Variants in ADGRA1 observed in about 807,000 individuals in gnomAD.
The protein encoded by ADGRA1 is G-protein coupled receptor 123.
ADGRA1 carries 12 observed loss-of-function variants against 21.3 expected under a neutral mutation model. The observed-to-expected ratio is 0.56, with a 90% CI of 0.36 to 0.91. The LOEUF (loss-of-function observed/expected upper bound fraction) is 0.91. Among genes scored for constraint, ADGRA1 ranks in the 40% least tolerant of loss-of-function variants. The pLI, the probability that ADGRA1 is intolerant of heterozygous loss-of-function variation, is 0.01. For missense variants in ADGRA1, 790 were observed against 805.6 expected (o/e 0.98, Z 0.23); for synonymous variants, 385 against 368.8 (o/e 1.04, Z -0.50).
intron 5 of ADGRA1, among the ~76,000 whole-genome samples, chr10:133,105,830 G>C (rs1476821265): frequency 6.6e-6 from 1 of 152,228 alleles, no homozygotes; most frequent in Non-Finnish European, 1.5e-5. Context: ...CGAGAAGCCA[G>C]CAGCCTCTGC....
chr10:133,111,047 A>G, intron 5 of ADGRA1, among the ~76,000 whole-genome samples: 1 of 151,570 alleles, frequency 6.6e-6, no homozygotes, highest in East Asian at 1.9e-4. Flanking sequence ...CCTGCCCACC[A>G]GGGACACCTG....
chr10:133,101,431 A>C (rs920591015), intron 4 of ADGRA1, among the ~76,000 whole-genome samples: 5 of 152,184 alleles, frequency 3.3e-5, no homozygotes, highest in African/African-American at 1.2e-4. Context: ...GCCGTGCAGC[A>C]CCGTGGGACG....
At chr10:133,093,942 T>C (rs182380307) in intron 2 of ADGRA1, among the ~76,000 whole-genome samples, 183 of 152,392 alleles carry the variant, frequency 1.2e-3, no homozygotes, top group African/African-American at 4.0e-3. Flanking sequence ...ACAGGCACTG[T>C]TGATAACTGT....
intron 4 of ADGRA1, among the ~76,000 whole-genome samples, chr10:133,100,969 G>C (rs950477136): frequency 2.0e-5 from 3 of 152,230 alleles, no homozygotes; most frequent in African/African-American, 4.8e-5. Flanking sequence ...CCCACAAGGC[G>C]ACGTTCTCCG....
intron 5 of ADGRA1, among the ~76,000 whole-genome samples, chr10:133,126,303 C>G (rs542864799): frequency 6.6e-6 from 1 of 152,352 alleles, no homozygotes; most frequent in Admixed American, 6.5e-5. Flanking sequence ...TGAAGGATAT[C>G]TTCTTGGGAT....
At chr10:133,098,873 G>T (rs1368381109) in intron 4 of ADGRA1, 110 bp downstream of exon 4, 1 of 1,413,150 alleles carries the variant, frequency 7.1e-7, no homozygotes, top group Non-Finnish European at 9.6e-7. Context: ...CCGGGAAGAG[G>T]GTCGGACCCT....
intron 4 of ADGRA1, among the ~76,000 whole-genome samples, chr10:133,100,232 G>T (rs1025909637): frequency 6.6e-6 from 1 of 152,226 alleles, no homozygotes; most frequent in Admixed American, 6.5e-5. Context: ...CGCACCTGAA[G>T]GTGGCTAAGG....
At chr10:133,116,332 C>T (rs1052588077) in intron 5 of ADGRA1, among the ~76,000 whole-genome samples, 28 of 152,256 alleles carry the variant, frequency 1.8e-4, no homozygotes, top group Non-Finnish European at 3.4e-4. Flanking sequence ...CCGCCCTCCC[C>T]GCAGGGCCTG....
At chr10:133,127,723 T>C (rs751081274) in intron 6 of ADGRA1, among the ~76,000 whole-genome samples, 4 of 151,844 alleles carry the variant, frequency 2.6e-5, no homozygotes, top group Non-Finnish European at 5.9e-5. Flanking sequence ...CAGTTCCTTC[T>C]GCGGCCCCAG....
intron 6 of ADGRA1, 30 bp from the exon 7 acceptor site, chr10:133,128,299 C>T (rs1852421302): frequency 1.3e-6 from 2 of 1,488,076 alleles, no homozygotes; most frequent in Non-Finnish European, 1.8e-6. Flanking sequence ...CGTGCTGGCC[C>T]CGCTGACACT....
chr10:133,122,105 C>T (rs542884492), intron 5 of ADGRA1, among the ~76,000 whole-genome samples: 28 of 152,286 alleles, frequency 1.8e-4, no homozygotes, highest in African/African-American at 6.0e-4. Flanking sequence ...TGTGAGCATG[C>T]GCGTGGTGTA....
rs555466505 is a variant in ADGRA1 at position 133,125,528 on chromosome 10, A to G, written c.402-1705A>G. On this transcript the variant is annotated intron_variant, in intron 5 of 6. Transcript: ENST00000392607. ...AAACCCCGCCTCCTGGGTTCACGCC[A>G]TTCTCCTGTCTCAGCCTCCCGAGTA... 2.4e-3 allele frequency among the ~76,000 whole-genome samples: 360 copies of G among 152,052 alleles called. 1 individual carries two copies. Among genetic ancestry groups the G allele is most frequent in the African/African-American group, 8.3e-3 (345 of 41,448 alleles).
chr10:133,126,157 C>T (rs937762958), intron 5 of ADGRA1, among the ~76,000 whole-genome samples: 2 of 152,244 alleles, frequency 1.3e-5, no homozygotes, highest in African/African-American at 2.4e-5. Flanking sequence ...TCCACAGGTG[C>T]GGTGCCTGCA....
chr10:133,123,104 G>A (rs936292744), intron 5 of ADGRA1, among the ~76,000 whole-genome samples: 1 of 152,202 alleles, frequency 6.6e-6, no homozygotes, highest in Admixed American at 6.5e-5. Context: ...GGCTCAGGTG[G>A]TCTGCAGGCT....
Position 133,128,147 on chromosome 10 carries a change from G to A in ADGRA1, c.501-182G>A, listed in dbSNP as rs546565365. ...CTACCCCACCTCCCAAGCTGGTAGG[G>A]CCAATAGGGCCCGGTTCCCATCCAC... On this transcript the variant is annotated intron_variant, in intron 6 of 6. Coordinates refer to ENST00000392607, the MANE Select transcript of ADGRA1 (RefSeq NM_001083909.3). Among the ~76,000 whole-genome samples, 564 of 150,172 alleles carry A rather than the reference G, an allele frequency of 3.8e-3. 3 individuals carry two copies. Among genetic ancestry groups the A allele is most frequent in the African/African-American group, 0.013 (542 of 40,654 alleles).
intron 1 of ADGRA1, 94 bp from the exon 2 acceptor site, chr10:133,088,614 A>G: frequency 6.4e-6 from 5 of 786,830 alleles, no homozygotes; most frequent in Non-Finnish European, 8.4e-6. Context: ...AGGGAGCGAC[A>G]GGGGCCGCGG....
chr10:133,090,375 A>C (rs564152843), intron 2 of ADGRA1, among the ~76,000 whole-genome samples: 1 of 152,310 alleles, frequency 6.6e-6, no homozygotes, highest in African/African-American at 2.4e-5. Flanking sequence ...TGCTCACCCA[A>C]GACTGTGAAA....
chr10:133,127,378 C>G (rs1168009101), intron 6 of ADGRA1, 47 bp downstream of exon 6: 1 of 1,436,744 alleles, frequency 7.0e-7, no homozygotes, highest in Non-Finnish European at 9.5e-7. Flanking sequence ...AGCGGGTGGG[C>G]TCTGCCTGAG....
At chr10:133,124,255 TC>T in intron 5 of ADGRA1, among the ~76,000 whole-genome samples, 1 of 151,412 alleles carries the variant, frequency 6.6e-6, no homozygotes, top group Middle Eastern at 3.4e-3. Flanking sequence ...CTCTGCACCC[TC>T]CCCGGCTCTG....
Sources: allele counts gnomAD v4.1 joint callset (sites outside exome capture counted in the v4.1 genomes callset), GRCh38; gene constraint gnomAD v4.1.1; transcripts MANE v1.5; gene names NCBI Gene and HGNC (gene_info 2026-07-23, HGNC 2026-07-21).